Variants in RAB38 observed in about 807,000 individuals in gnomAD.
The protein encoded by RAB38 is ras-related protein Rab-38.
RAB38 carries 15 observed loss-of-function variants against 18.4 expected under a neutral mutation model. That is an observed-to-expected ratio of 0.82 (90% CI 0.55 to 1.26). The LOEUF (loss-of-function observed/expected upper bound fraction) is 1.26. Ranked by LOEUF, RAB38 falls within the 50% of genes most tolerant of loss-of-function variation. RAB38 has a pLI of 0.00. For synonymous variants in RAB38, 101 were observed against 104.4 expected (o/e 0.97, Z 0.20); for missense variants, 294 against 267.4 (o/e 1.10, Z -0.69).
chr11:87,940,803 T>C, the RAB38 span, among the ~76,000 whole-genome samples: 1 of 151,980 alleles, frequency 6.6e-6, no homozygotes, highest in Non-Finnish European at 1.5e-5. Flanking sequence ...TGGCTAATTT[T>C]TGTATTTTTA....
chr11:87,962,647 T>C, the RAB38 span, among the ~76,000 whole-genome samples: 1 of 152,196 alleles, frequency 6.6e-6, no homozygotes, highest in South Asian at 2.1e-4. Flanking sequence ...CATGCAAACA[T>C]GTTGAAATAC....
the RAB38 span, among the ~76,000 whole-genome samples, chr11:88,100,605 G>C: frequency 1.3e-5 from 2 of 151,972 alleles, no homozygotes; most frequent in South Asian, 4.1e-4. Context: ...TCTGTTATTA[G>C]AATTATAGTT....
At chr11:87,928,171 A>T in the RAB38 span, among the ~76,000 whole-genome samples, 1 of 152,074 alleles carries the variant, frequency 6.6e-6, no homozygotes, top group Non-Finnish European at 1.5e-5. Context: ...ATGAGTCAGT[A>T]CATGTACTTA....
the RAB38 span, among the ~76,000 whole-genome samples, chr11:87,878,268 ATC>A: frequency 8.3e-6 from 1 of 120,480 alleles, no homozygotes; most frequent in African/African-American, 3.6e-5. Context: ...CTATCTATCT[ATC>A]TATCTATCTA....
chr11:87,809,621 C>A, the RAB38 span, among the ~76,000 whole-genome samples: 16 of 151,812 alleles, frequency 1.1e-4, no homozygotes, highest in African/African-American at 3.4e-4. Context: ...TCCTGAATCT[C>A]AAAGACAGTA....
At chr11:87,942,674 G>A in the RAB38 span, among the ~76,000 whole-genome samples, 1 of 152,110 alleles carries the variant, frequency 6.6e-6, no homozygotes, top group Non-Finnish European at 1.5e-5. Context: ...AGGAACACTA[G>A]GGAGTACCTA....
chr11:87,913,605 G>A, the RAB38 span, among the ~76,000 whole-genome samples: 1 of 152,122 alleles, frequency 6.6e-6, no homozygotes, highest in Non-Finnish European at 1.5e-5. Flanking sequence ...TAATGTGGTG[G>A]TATTGGGAGG....
At chr11:87,921,587 A>C in the RAB38 span, among the ~76,000 whole-genome samples, 1 of 148,714 alleles carries the variant, frequency 6.7e-6, no homozygotes, top group South Asian at 2.1e-4. Context: ...ATATATATAC[A>C]CATTTAGATA....
the RAB38 span, among the ~76,000 whole-genome samples, chr11:87,969,303 C>G: frequency 6.6e-6 from 1 of 152,052 alleles, no homozygotes; most frequent in Non-Finnish European, 1.5e-5. Context: ...ACACATATCC[C>G]CCCCCAATAG....
At chr11:87,912,601 T>G in the RAB38 span, among the ~76,000 whole-genome samples, 4 of 151,760 alleles carry the variant, frequency 2.6e-5, no homozygotes, top group African/African-American at 9.7e-5. Context: ...TTTTTTACCC[T>G]AATCCTTCCT....
chr11:88,153,538 C>A (rs890743626), intron 1 of RAB38, among the ~76,000 whole-genome samples: 8 of 152,184 alleles, frequency 5.3e-5, no homozygotes, highest in African/African-American at 1.9e-4. Context: ...CTCACCTGGA[C>A]CCCTGGCAGC....
chr11:88,168,346 C>G (rs906047947), intron 1 of RAB38, among the ~76,000 whole-genome samples: 1 of 152,068 alleles, frequency 6.6e-6, no homozygotes, highest in South Asian at 2.1e-4. Context: ...CTCTTAACAC[C>G]TCCTTCCTCA....
chr11:88,076,802 A>T, the RAB38 span, among the ~76,000 whole-genome samples: 2 of 149,988 alleles, frequency 1.3e-5, no homozygotes, highest in African/African-American at 4.9e-5. Context: ...ACAAAAAAAA[A>T]AAAAAATTTA....
At chr11:88,135,493 T>G (rs1942825336) in intron 2 of RAB38, among the ~76,000 whole-genome samples, 1 of 152,222 alleles carries the variant, frequency 6.6e-6, no homozygotes, top group African/African-American at 2.4e-5. Flanking sequence ...TCGCCACATC[T>G]AATATTCTTG....
the RAB38 span, among the ~76,000 whole-genome samples, chr11:87,872,256 CT>C: frequency 6.6e-6 from 1 of 151,440 alleles, no homozygotes; most frequent in Non-Finnish European, 1.5e-5. Flanking sequence ...GACTATTCAG[CT>C]TTTTGTCCAT....
chr11:88,165,893 A>G (rs902026519), intron 1 of RAB38: 2 of 152,112 alleles, frequency 1.3e-5, no homozygotes, highest in Non-Finnish European at 2.9e-5. Flanking sequence ...TAGATAGAAA[A>G]TAACTGTAAC....
chr11:87,922,208 G>C, the RAB38 span, among the ~76,000 whole-genome samples: 8 of 151,918 alleles, frequency 5.3e-5, no homozygotes, highest in East Asian at 1.4e-3. Context: ...TATTGCATTA[G>C]GGAGACAGAT....
At chr11:87,806,234 C>A in the RAB38 span, among the ~76,000 whole-genome samples, 1 of 152,076 alleles carries the variant, frequency 6.6e-6, no homozygotes, top group South Asian at 2.1e-4. Context: ...CTAAAAAATG[C>A]CATAAACTTC....
At chr11:87,959,863 C>G in the RAB38 span, among the ~76,000 whole-genome samples, 1 of 152,050 alleles carries the variant, frequency 6.6e-6, no homozygotes, top group Admixed American at 6.6e-5. Flanking sequence ...CTTAGATGAC[C>G]TTGTAGAAAA....
Sources: gnomAD v4.1 joint callset for allele counts (sites outside exome capture counted in the v4.1 genomes callset) on GRCh38, gnomAD v4.1.1 for gene constraint, MANE v1.5 for transcripts, NCBI Gene and HGNC (gene_info 2026-07-23, HGNC 2026-07-21) for gene names.